The following NSF variants were observed in gnomAD, a reference collection of about 807,000 sequenced individuals.
NSF encodes the protein vesicle-fusing ATPase.
In NSF, 14 loss-of-function variants were observed where a neutral mutation model predicts 50.3. The observed-to-expected ratio is 0.28, with a 90% confidence interval of 0.18 to 0.44. NSF has a LOEUF of 0.44. Among genes scored for constraint, NSF ranks in the 20% least tolerant of loss-of-function variants. The pLI is 1.00. For synonymous variants in NSF, 109 were observed against 175.7 expected, an observed-to-expected ratio of 0.62 and a Z score of 3.00; for missense variants, 218 against 504.3, an observed-to-expected ratio of 0.43 and a Z score of 5.44.
intron 18 of NSF, 45 bp downstream of exon 18, chr17:46,749,952 T>C (rs1165504275): frequency 1.3e-6 from 2 of 1,595,926 alleles, no homozygotes; most frequent in Non-Finnish European, 1.7e-6. Context: ...AAGAAAGGAA[T>C]TGAGGCTGAA....
intron 19 of NSF, among the ~76,000 whole-genome samples, chr17:46,754,642 C>T (rs1030226473): frequency 6.6e-6 from 1 of 152,112 alleles, no homozygotes; most frequent in Admixed American, 6.5e-5. Flanking sequence ...GAAAACCAGT[C>T]GAGATAGCTA....
chr17:46,707,038 A>T (rs1276693966), intron 13 of NSF, among the ~76,000 whole-genome samples: 1 of 150,430 alleles, frequency 6.6e-6, no homozygotes, highest in African/African-American at 2.5e-5. Context: ...TTTAGTAGAG[A>T]CGGGGTTTCA....
At chr17:46,635,788 T>TGTGTGTGTGC in intron 4 of NSF, among the ~76,000 whole-genome samples, 1 of 136,394 alleles carries the variant, frequency 7.3e-6, no homozygotes, top group Admixed American at 7.4e-5. Flanking sequence ...TGTGTGTGTG[T>TGTGTGTGTGC]GTGTGTGTGT....
intron 12 of NSF, 44 bp from the exon 13 acceptor site, chr17:46,704,715 T>C: frequency 6.3e-7 from 1 of 1,590,316 alleles, no homozygotes; most frequent in South Asian, 1.2e-5. Flanking sequence ...TTAACTATTC[T>C]TAAATCTTGG....
intron 17 of NSF, among the ~76,000 whole-genome samples, chr17:46,730,976 C>CA (rs34162554): frequency 0.67 from 102,402 of 151,896 alleles, 35,691 homozygotes; most frequent in South Asian, 0.82. Context: ...GAATGTTCCT[C>CA]AAGAGGTTAA....
chr17:46,597,786 CT>C (rs2057873499), intron 1 of NSF, among the ~76,000 whole-genome samples: 1 of 118,682 alleles, frequency 8.4e-6, no homozygotes, highest in Non-Finnish European at 1.7e-5. Flanking sequence ...TGTTGCAATA[CT>C]CTTTTTTTTT....
At chr17:46,657,977 T>A (rs1409247659) in intron 8 of NSF, among the ~76,000 whole-genome samples, 42 of 67,430 alleles carry the variant, frequency 6.2e-4, no homozygotes, top group Non-Finnish European at 9.6e-4. Context: ...TTTATTTTTT[T>A]TTTTTTTGGC....
At chr17:46,736,708 G>C (rs960526248) in intron 17 of NSF, among the ~76,000 whole-genome samples, 3 of 152,174 alleles carry the variant, frequency 2.0e-5, no homozygotes, top group African/African-American at 7.2e-5. Context: ...CTAATTTGCT[G>C]CTAACCACTA....
intron 13 of NSF, among the ~76,000 whole-genome samples, chr17:46,709,807 T>G (rs932799650): frequency 6.6e-6 from 1 of 152,200 alleles, no homozygotes; most frequent in African/African-American, 2.4e-5. Flanking sequence ...GAAAATTTCT[T>G]AGAACAGCCA....
chr17:46,598,981 A>G (rs915963805), intron 1 of NSF, among the ~76,000 whole-genome samples: 1 of 123,034 alleles, frequency 8.1e-6, no homozygotes, highest in African/African-American at 3.3e-5. Flanking sequence ...TTCAAATGCA[A>G]TGAATTTTAG....
intron 1 of NSF, among the ~76,000 whole-genome samples, chr17:46,610,045 T>TCTC (rs1568013977): frequency 0.012 from 1,068 of 86,176 alleles, 106 homozygotes; most frequent in Middle Eastern, 0.058. Flanking sequence ...CTCTCTCTCT[T>TCTC]TCTTTCTTTC....
At chr17:46,736,924 C>T (rs1395100774) in intron 17 of NSF, among the ~76,000 whole-genome samples, 1 of 152,246 alleles carries the variant, frequency 6.6e-6, no homozygotes, top group Admixed American at 6.5e-5. Context: ...CCCATCTAAA[C>T]TTACCATGGT....
At chr17:46,721,477 A>G (rs2058830197) in intron 15 of NSF, 1 of 721,182 alleles carries the variant, frequency 1.4e-6, no homozygotes, top group African/African-American at 1.8e-5. Context: ...ATGTATGTTG[A>G]TAATTTTACC....
intron 4 of NSF, among the ~76,000 whole-genome samples, chr17:46,633,596 TACA>T (rs1484114899): frequency 3.6e-5 from 5 of 137,400 alleles, no homozygotes; most frequent in African/African-American, 1.4e-4. Flanking sequence ...ATGAATATAC[TACA>T]TTTTATTCAT....
At chr17:46,753,871 A>G (rs2059207875) in intron 19 of NSF, among the ~76,000 whole-genome samples, 1 of 152,212 alleles carries the variant, frequency 6.6e-6, no homozygotes, top group Non-Finnish European at 1.5e-5. Context: ...GGCTGAACCT[A>G]AGTGAAGAGG....
intron 8 of NSF, among the ~76,000 whole-genome samples, chr17:46,666,114 G>A: frequency 6.6e-6 from 1 of 151,214 alleles, no homozygotes; most frequent in East Asian, 1.9e-4. Context: ...GATGAGAGTA[G>A]TTGCAATTGG....
At position 46,610,027 on chromosome 17, in the gene NSF, T is replaced by TTCTCTC. The variant is rs1555666763; in HGVS notation, c.13-14205_13-14200dup. Among the ~76,000 whole-genome samples the TTCTCTC allele has an allele frequency of 9.6e-3, 1,042 of 108,820 alleles. 46 individuals carry two copies. Among genetic ancestry groups the TTCTCTC allele is most frequent in the African/African-American group, 0.016 (475 of 30,346 alleles). The allele number at this position is 108,820 out of a possible 152,430, so 71.4% of individuals were successfully genotyped here. Reference sequence around the variant, plus strand: ...TTTCTCTCTTTCTTTCTTTCTTTCTTTCTCTCTCTCTCTCTCTTTCTTTCT... The same window carrying TTCTCTC: ...TTTCTCTCTTTCTTTCTTTCTTTCTTTCTCTCTCTCTCTCTCTCTCTCTTTCTTTCT... On this transcript the variant is annotated intron_variant, in intron 1 of 20. Transcript: ENST00000398238.
intron 17 of NSF, among the ~76,000 whole-genome samples, chr17:46,748,336 C>T (rs1339623145): frequency 6.6e-6 from 1 of 152,130 alleles, no homozygotes; most frequent in East Asian, 1.9e-4. Flanking sequence ...GTCTCAAACT[C>T]CTGAACCTCA....
At chr17:46,721,919 A>G (rs1598714724) in intron 15 of NSF, 4 of 1,595,060 alleles carry the variant, frequency 2.5e-6, no homozygotes, top group East Asian at 2.2e-5. Context: ...CTTTTTCTCC[A>G]ATTCGCGTAC....
Sources: allele counts gnomAD v4.1 joint callset (sites outside exome capture counted in the v4.1 genomes callset), GRCh38; gene constraint gnomAD v4.1.1; transcripts MANE v1.5; gene names NCBI Gene and HGNC (gene_info 2026-07-23, HGNC 2026-07-21).